MARCHF1: variants seen among roughly 807,000 people sequenced by gnomAD.
The protein encoded by MARCHF1 is E3 ubiquitin-protein ligase MARCHF1.
A neutral mutation model predicts 54.2 loss-of-function variants in MARCHF1; 40 were observed. The ratio of observed to expected loss-of-function variants is 0.74; its 90% CI spans 0.57 to 0.96. The LOEUF is 0.96. Ranked by LOEUF, MARCHF1 falls within the 40% of genes least tolerant of loss-of-function variation. MARCHF1 has a pLI of 0.00. For synonymous variants in MARCHF1, 236 were observed against 236.3 expected, an observed-to-expected ratio of 1.00 and a Z score of 0.01; for missense variants, 586 against 656.5, an observed-to-expected ratio of 0.89 and a Z score of 1.17.
intron 1 of MARCHF1, among the ~76,000 whole-genome samples, chr4:164,245,398 G>A (rs1477982671): frequency 9.2e-5 from 14 of 152,202 alleles, no homozygotes; most frequent in East Asian, 5.8e-4. Flanking sequence ...AAAATTCAAC[G>A]ATGCTTCATG....
At chr4:163,850,736 A>G (rs963090494) in intron 4 of MARCHF1, among the ~76,000 whole-genome samples, 1 of 152,202 alleles carries the variant, frequency 6.6e-6, no homozygotes, top group African/African-American at 2.4e-5. Flanking sequence ...AATTAACTAG[A>G]GAGGCACTGA....
At chr4:164,152,079 C>G (rs2110911183) in intron 1 of MARCHF1, among the ~76,000 whole-genome samples, 1 of 152,160 alleles carries the variant, frequency 6.6e-6, no homozygotes, top group Middle Eastern at 3.4e-3. Context: ...TGATAAAATC[C>G]TTGCCCTTAT....
At chr4:163,726,433 T>C (rs1745654992) in intron 4 of MARCHF1, among the ~76,000 whole-genome samples, 1 of 152,228 alleles carries the variant, frequency 6.6e-6, no homozygotes, top group Non-Finnish European at 1.5e-5. Flanking sequence ...TACATGTCTT[T>C]TCATGGCTCA....
At chr4:163,530,935 G>A (rs1187566367) in intron 9 of MARCHF1, among the ~76,000 whole-genome samples, 1 of 151,840 alleles carries the variant, frequency 6.6e-6, no homozygotes, top group African/African-American at 2.4e-5. Flanking sequence ...ACAGTGGCAG[G>A]TGTAATTAAT....
chr4:163,890,998 C>A (rs1039104677), intron 3 of MARCHF1, among the ~76,000 whole-genome samples: 1 of 151,864 alleles, frequency 6.6e-6, no homozygotes, highest in African/African-American at 2.4e-5. Context: ...TATTCATATT[C>A]ATTTTATTTT....
intron 3 of MARCHF1, among the ~76,000 whole-genome samples, chr4:163,946,026 A>G (rs777599357): frequency 5.3e-5 from 8 of 152,110 alleles, no homozygotes; most frequent in Non-Finnish European, 1.2e-4. Context: ...TTAATTCCAT[A>G]TAGCACCAAA....
chr4:163,641,444 A>G (rs950406565), intron 5 of MARCHF1, among the ~76,000 whole-genome samples: 1 of 152,150 alleles, frequency 6.6e-6, no homozygotes, highest in Non-Finnish European at 1.5e-5. Flanking sequence ...TGATATTCAG[A>G]ATATCTTGGG....
At chr4:164,331,006 T>C (rs1006617306) in intron 1 of MARCHF1, among the ~76,000 whole-genome samples, 1 of 152,198 alleles carries the variant, frequency 6.6e-6, no homozygotes, top group African/African-American at 2.4e-5. Flanking sequence ...TTTGTGTCAG[T>C]AGATAATTAA....
intron 3 of MARCHF1, among the ~76,000 whole-genome samples, chr4:163,956,314 T>C (rs1417908310): frequency 6.6e-6 from 1 of 152,160 alleles, no homozygotes; most frequent in African/African-American, 2.4e-5. Flanking sequence ...ATAGTAAGTG[T>C]TCAAAAATAC....
intron 1 of MARCHF1, among the ~76,000 whole-genome samples, chr4:164,377,017 G>A (rs1299928592): frequency 6.6e-6 from 1 of 152,110 alleles, no homozygotes; most frequent in African/African-American, 2.4e-5. Flanking sequence ...CTCCTGATGT[G>A]CCTCAGGACA....
intron 2 of MARCHF1, among the ~76,000 whole-genome samples, chr4:164,099,652 A>C (rs894613099): frequency 4.6e-5 from 7 of 152,226 alleles, no homozygotes; most frequent in Admixed American, 1.3e-4. Context: ...ATGTTAAAAC[A>C]AATGAAATAG....
chr4:163,733,199 A>ATACATACACATG (rs1554008830), intron 4 of MARCHF1, among the ~76,000 whole-genome samples: 5 of 39,882 alleles, frequency 1.3e-4, no homozygotes, highest in African/African-American at 3.9e-4. Flanking sequence ...ATATATATAT[A>ATACATACACATG]TATATATATA....
chr4:164,257,803 A>C (rs1190376394), intron 1 of MARCHF1, among the ~76,000 whole-genome samples: 3 of 152,150 alleles, frequency 2.0e-5, no homozygotes, highest in South Asian at 4.1e-4. Flanking sequence ...CCCTGTCTCT[A>C]CTAAAAATAC....
chr4:163,576,980 C>T (rs1170610557), intron 8 of MARCHF1, among the ~76,000 whole-genome samples: 1 of 152,066 alleles, frequency 6.6e-6, no homozygotes, highest in Non-Finnish European at 1.5e-5. Context: ...TTGAAGAAAG[C>T]AGACAAATGA....
At chr4:163,788,443 A>G (rs897255995) in intron 4 of MARCHF1, among the ~76,000 whole-genome samples, 15 of 151,980 alleles carry the variant, frequency 9.9e-5, no homozygotes, top group Admixed American at 1.3e-4. Flanking sequence ...TCAGGATCCA[A>G]TCAGGAAGAC....
At chr4:163,683,341 A>G (rs1257049434) in intron 5 of MARCHF1, among the ~76,000 whole-genome samples, 1 of 152,158 alleles carries the variant, frequency 6.6e-6, no homozygotes, top group East Asian at 1.9e-4. Context: ...CTTGTGAGAC[A>G]TATTCACTAT....
At chr4:163,547,334 C>G (rs1252462333) in intron 8 of MARCHF1, among the ~76,000 whole-genome samples, 4 of 152,226 alleles carry the variant, frequency 2.6e-5, no homozygotes, top group South Asian at 4.1e-4. Flanking sequence ...TTGTGCCCAT[C>G]TTAAAGCTGC....
At chr4:163,570,187 G>C (rs1210391404) in intron 8 of MARCHF1, among the ~76,000 whole-genome samples, 1 of 152,052 alleles carries the variant, frequency 6.6e-6, no homozygotes, top group Non-Finnish European at 1.5e-5. Context: ...TAGTGCCTGA[G>C]AAATAGTGAG....
chr4:164,003,835 G>A (rs1753232652), intron 2 of MARCHF1, among the ~76,000 whole-genome samples: 1 of 152,026 alleles, frequency 6.6e-6, no homozygotes, highest in African/African-American at 2.4e-5. Context: ...ATACATGCAT[G>A]TGTATGTTTA....
Sources: allele counts gnomAD v4.1 joint callset (sites outside exome capture counted in the v4.1 genomes callset), GRCh38; gene constraint gnomAD v4.1.1; transcripts MANE v1.5; gene names NCBI Gene and HGNC (gene_info 2026-07-23, HGNC 2026-07-21).